PPIL2: variants seen among roughly 807,000 people sequenced by gnomAD.
The protein encoded by PPIL2 is RING-type E3 ubiquitin-protein ligase PPIL2.
In PPIL2, 50 loss-of-function variants were observed where a neutral mutation model predicts 75.2. The observed-to-expected ratio is 0.66, with a 90% CI of 0.53 to 0.84. PPIL2 has a LOEUF of 0.84. PPIL2 is among the 40% of genes least tolerant of loss of function. PPIL2 has a pLI of 0.00. For synonymous variants in PPIL2, 245 were observed against 258.8 expected (o/e 0.95, Z 0.51); for missense variants, 590 against 685.0 (o/e 0.86, Z 1.55).
Position 21,696,991 on chromosome 22 carries a change from C to T in PPIL2, c.*1501C>T, listed in dbSNP as rs1040674363. On this transcript the variant is annotated 3_prime_UTR_variant, in exon 20 of 20. Coordinates refer to ENST00000398831, the MANE Select transcript of PPIL2 (RefSeq NM_014337.4). ...ACAAGAACTGCGCCATGGCTGGCTC[C>T]TTCTCTTCTCCAGCCCATCCCTCTG... 10 of 1,550,874 alleles carry T rather than the reference C, an allele frequency of 6.4e-6. No individual in the cohort carries two copies. The African/African-American group carries it at 1.2e-4, about 19-fold the overall frequency.
At chr22:21,681,907 C>T (rs576178342) in intron 7 of PPIL2, among the ~76,000 whole-genome samples, 3 of 152,342 alleles carry the variant, frequency 2.0e-5, no homozygotes, top group East Asian at 1.9e-4. Context: ...CCGACCTTTG[C>T]GCCGTTGTCA....
Position 21,695,472 on chromosome 22 carries a change from G to A in PPIL2, c.1545G>A (p.Gly515=), listed in dbSNP as rs548194891. The A allele has an allele frequency of 1.9e-6, 3 of 1,602,488 alleles. No individual in the cohort carries two copies. The highest frequency in any genetic ancestry group is 1.3e-5 in the African/African-American group (1 of 74,880). Residue 515 remains glycine (G), a synonymous_variant, in exon 20 of 20, where the codon GGG becomes GGA. Transcript: ENST00000398831. ...MSKKKPSRGF[G]DFSSW ...AGAAGAAGCCCAGTCGGGGTTTTGG[G>A]GACTTCAGCTCCTGGTAGCAGCAGG...
chr22:21,677,117 C>T (rs2066902078), intron 6 of PPIL2, among the ~76,000 whole-genome samples: 1 of 151,414 alleles, frequency 6.6e-6, no homozygotes, highest in African/African-American at 2.4e-5. Context: ...GGCAGAGGGG[C>T]TCCTCGCTTC....
chr22:21,682,461 G>C lies in PPIL2; in HGVS notation c.412G>C (p.Ala138Pro). The stretch of plus-strand genomic sequence containing the variant: ...GGCAGTGGAACAGCTAAATATCAAG[G>C]CCAAGAACTTCCGGGACCTGCTGAC... ...YEAVEQLNIKAKNFRDLLTDE... is the reference protein window; with the variant it reads ...YEAVEQLNIKPKNFRDLLTDE... The change falls in exon 8 of 20, where the codon GCC (alanine) becomes CCC (proline). Residue 138 changes from alanine (A) to proline (P), a missense_variant. Physicochemically the swap from Ala to Pro is conservative, Grantham distance 27. Coordinates refer to ENST00000398831, the MANE Select transcript of PPIL2 (RefSeq NM_014337.4). 6.2e-7 allele frequency: 1 copy of C among 1,613,954 alleles called. No homozygotes were observed. The highest frequency in any genetic ancestry group is 8.5e-7 in the Non-Finnish European group (1 of 1,179,958).
In PPIL2 at chr22:21,695,541, A is replaced by G. The variant is rs1439232704; in HGVS notation, c.*51A>G. On this transcript the variant is annotated 3_prime_UTR_variant, in exon 20 of 20. Coordinates refer to ENST00000398831, the MANE Select transcript of PPIL2 (RefSeq NM_014337.4). ...GGTGGGGTTGCAGGGCTGGGGGCCC[A>G]TGTCCACATCTCCATTTCCAGCCTT... The G allele has an allele frequency of 1.0e-5, 16 of 1,555,306 alleles. No homozygotes were observed. The highest frequency in any genetic ancestry group is 4.3e-6 in the Non-Finnish European group (5 of 1,149,472).
rs773152512 is a variant in PPIL2, at chr22:21,694,721, G to GTCCTC, written c.1270-34_1270-33insTCCTC. 47 of 1,611,846 alleles carry GTCCTC rather than the reference G, an allele frequency of 2.9e-5. No homozygotes were observed. In the South Asian group the frequency reaches 5.1e-4, roughly 17 times the overall value. ...CTGGGGGCCAGGCAGGCAGGGGGAG[G>GTCCTC]ACCTGCCGTGCACTGAGCCCCCTTT... On this transcript the variant is annotated intron_variant, in intron 17 of 19. Transcript: ENST00000398831.
chr22:21,675,251 C>A, intron 6 of PPIL2, 136 bp downstream of exon 6: 1 of 851,456 alleles, frequency 1.2e-6, no homozygotes, highest in Non-Finnish European at 1.9e-6. Flanking sequence ...CAAAAAGTGT[C>A]ACAGGGCTGG....
At chr22:21,669,144 C>T (rs547727767) in intron 1 of PPIL2, among the ~76,000 whole-genome samples, 11 of 151,312 alleles carry the variant, frequency 7.3e-5, no homozygotes, top group Admixed American at 2.6e-4. Context: ...CCACCTTGCC[C>T]GGCCGGTTTT....
At chr22:21,692,259 C>G (rs1486641651) in intron 15 of PPIL2, among the ~76,000 whole-genome samples, 27 of 151,934 alleles carry the variant, frequency 1.8e-4, no homozygotes, top group Non-Finnish European at 2.9e-4. Flanking sequence ...AGGTTCATGC[C>G]ATTCTCCTGC....
At position 21,697,125 on chromosome 22, in the gene PPIL2, C is replaced by G. The variant is rs987919675; in HGVS notation, c.*1635C>G. On this transcript the variant is annotated 3_prime_UTR_variant, in exon 20 of 20. Transcript: ENST00000398831. The stretch of plus-strand genomic sequence containing the variant: ...GCACTGTCCTCCGCAAGGCCTGGTG[C>G]AGCCCTGGCAGTAACTGGCTTGTAA... The G allele has an allele frequency of 1.4e-5, 12 of 875,784 alleles. No homozygotes were observed. Among genetic ancestry groups the G allele is most frequent in the Non-Finnish European group, 1.9e-5 (11 of 583,854 alleles). The allele number at this position is 875,784 out of a possible 1,614,324, so 54.3% of individuals were successfully genotyped here.
intron 6 of PPIL2, among the ~76,000 whole-genome samples, chr22:21,677,439 A>G (rs1336110320): frequency 6.6e-6 from 1 of 152,236 alleles, no homozygotes; most frequent in Non-Finnish European, 1.5e-5. Flanking sequence ...CTCCGTCTGC[A>G]ATCCCGGCAC....
intron 6 of PPIL2, among the ~76,000 whole-genome samples, chr22:21,678,451 G>A (rs997583571): frequency 6.6e-5 from 10 of 151,738 alleles, no homozygotes; most frequent in African/African-American, 2.4e-4. Flanking sequence ...GGCTGGTCTC[G>A]AACTCCTGGG....
At chr22:21,684,138 T>C (rs1226857955) in intron 9 of PPIL2, among the ~76,000 whole-genome samples, 7 of 147,018 alleles carry the variant, frequency 4.8e-5, no homozygotes. Context: ...GCCCAGGAGG[T>C]GGAGGCTACA....
chr22:21,688,644 C>T, intron 14 of PPIL2, 88 bp from the exon 15 acceptor site: 3 of 1,296,354 alleles, frequency 2.3e-6, no homozygotes, highest in Non-Finnish European at 3.3e-6. Flanking sequence ...CTCAGCAAGG[C>T]CCTGATGCCC....
At chr22:21,681,862 G>T (rs577171069) in intron 7 of PPIL2, among the ~76,000 whole-genome samples, 69 of 152,358 alleles carry the variant, frequency 4.5e-4, no homozygotes, top group African/African-American at 1.5e-3. Context: ...TCCTCCTCTT[G>T]GGTGAGGCGG....
At chr22:21,689,365 C>G (rs1812822073) in intron 15 of PPIL2, among the ~76,000 whole-genome samples, 1 of 146,904 alleles carries the variant, frequency 6.8e-6, no homozygotes, top group African/African-American at 2.5e-5. Context: ...CATCCCCAGA[C>G]AGTGGCCTGA....
chr22:21,689,998 G>A (rs1439306938), intron 15 of PPIL2, among the ~76,000 whole-genome samples: 1 of 152,216 alleles, frequency 6.6e-6, no homozygotes, highest in African/African-American at 2.4e-5. Flanking sequence ...TCGGTTGTGT[G>A]GACTGGCTCC....
intron 15 of PPIL2, among the ~76,000 whole-genome samples, chr22:21,691,123 TAG>T (rs2067611462): frequency 6.6e-6 from 1 of 150,786 alleles, no homozygotes; most frequent in African/African-American, 2.4e-5. Context: ...TTTTGTACTT[TAG>T]TAGAGACAGG....
At chr22:21,666,915 T>G (rs1220485784) in intron 1 of PPIL2, among the ~76,000 whole-genome samples, 1 of 152,206 alleles carries the variant, frequency 6.6e-6, no homozygotes, top group East Asian at 1.9e-4. Context: ...AGTGAGAGAC[T>G]AGTGGCTTCA....
Sources: gnomAD v4.1 joint callset for allele counts (sites outside exome capture counted in the v4.1 genomes callset) on GRCh38, gnomAD v4.1.1 for gene constraint, MANE v1.5 for transcripts, NCBI Gene and HGNC (gene_info 2026-07-23, HGNC 2026-07-21) for gene names.